The following SLC25A21 variants were observed in gnomAD, a reference collection of about 807,000 sequenced individuals.
The protein encoded by SLC25A21 is solute carrier family 25 member 21.
In SLC25A21, 47 loss-of-function variants were observed where a neutral mutation model predicts 43.8. That is an observed-to-expected ratio of 1.07 (90% confidence interval 0.85 to 1.37). The LOEUF (loss-of-function observed/expected upper bound fraction) is 1.37, where lower values mean the gene tolerates loss of function less well. Ranked by LOEUF, SLC25A21 falls within the 40% of genes most tolerant of loss-of-function variation. The pLI, the probability that SLC25A21 is intolerant of heterozygous loss-of-function variation, is 0.00. For synonymous variants in SLC25A21, 131 were observed against 121.3 expected, an observed-to-expected ratio of 1.08 and a Z score of -0.52; for missense variants, 352 against 350.2, an observed-to-expected ratio of 1.00 and a Z score of -0.04.
chr14:37,132,977 G>A (rs1247641568), intron 1 of SLC25A21, among the ~76,000 whole-genome samples: 5 of 151,966 alleles, frequency 3.3e-5, no homozygotes, highest in Non-Finnish European at 5.9e-5. Context: ...CAATCCTCCC[G>A]CATCAGCCTC....
chr14:36,881,977 G>A (rs551222707), intron 1 of SLC25A21, among the ~76,000 whole-genome samples: 2 of 152,322 alleles, frequency 1.3e-5, no homozygotes, highest in South Asian at 4.1e-4. Flanking sequence ...TTTGAGAACA[G>A]AGTATTCTAA....
At chr14:36,712,003 G>C (rs188617195) in intron 6 of SLC25A21, among the ~76,000 whole-genome samples, 1 of 152,146 alleles carries the variant, frequency 6.6e-6, no homozygotes, top group Non-Finnish European at 1.5e-5. Flanking sequence ...ATAAATAGCT[G>C]TTGATTGTAC....
chr14:36,776,099 T>G (rs1183650292), intron 3 of SLC25A21, among the ~76,000 whole-genome samples: 3 of 152,038 alleles, frequency 2.0e-5, no homozygotes, highest in Non-Finnish European at 4.4e-5. Context: ...CTATTGGAAC[T>G]TCTCTTGGAA....
At chr14:37,038,024 T>A (rs1220932297) in intron 1 of SLC25A21, among the ~76,000 whole-genome samples, 1 of 152,206 alleles carries the variant, frequency 6.6e-6, no homozygotes, top group Admixed American at 6.5e-5. Flanking sequence ...CCTGTGGGTA[T>A]GGAATAACTT....
intron 1 of SLC25A21, among the ~76,000 whole-genome samples, chr14:37,023,844 A>G (rs1961037799): frequency 6.6e-6 from 1 of 151,822 alleles, no homozygotes; most frequent in Non-Finnish European, 1.5e-5. Context: ...ACCACTTTCT[A>G]TTACAGTGGT....
chr14:36,810,674 A>G (rs1006772587), intron 3 of SLC25A21, among the ~76,000 whole-genome samples: 8 of 152,090 alleles, frequency 5.3e-5, no homozygotes, highest in African/African-American at 1.9e-4. Flanking sequence ...CATCATTATG[A>G]TGTTGGTGTG....
Position 37,013,277 on chromosome 14 carries a change from G to C in SLC25A21, c.71-138273C>G, listed in dbSNP as rs140368928. The stretch of plus-strand genomic sequence containing the variant: ...TAAAGATCAACTCAATGGCATTTTA[G>C]AAAATTAGTTGTGTCTAATCCCCAG... On this transcript the variant is annotated intron_variant, in intron 1 of 9. Coordinates refer to ENST00000331299, the MANE Select transcript of SLC25A21 (RefSeq NM_030631.4). Among the ~76,000 whole-genome samples the C allele has an allele frequency of 2.6e-3, 389 of 152,168 alleles. 1 individual carries two copies. Among genetic ancestry groups the C allele is most frequent in the African/African-American group, 8.3e-3 (344 of 41,530 alleles).
At position 37,040,367 on chromosome 14, in the gene SLC25A21, GAGAGAGAGAA is replaced by G. The variant is rs1389349307; in HGVS notation, c.70+131904_70+131913del. 2.6e-4 allele frequency among the ~76,000 whole-genome samples: 10 copies of G among 38,350 alleles called. 3 individuals are homozygous for G. In the East Asian group the frequency reaches 4.6e-3, roughly 18 times the overall value. 25.2% of individuals were successfully genotyped at this position (38,350 alleles called of 152,430 possible). On this transcript the variant is annotated intron_variant, in intron 1 of 9. Coordinates refer to ENST00000331299, the MANE Select transcript of SLC25A21 (RefSeq NM_030631.4). ...AAGGAAGGAAGGAAAGAAAGAGAGA[GAGAGAGAGAA>G]AGAAAGAAAGAAAGAAAGAAAGAAA... is the stretch of plus-strand genomic sequence containing the variant.
At chr14:36,740,084 G>A (rs185176812) in intron 3 of SLC25A21, among the ~76,000 whole-genome samples, 1 of 152,310 alleles carries the variant, frequency 6.6e-6, no homozygotes, top group East Asian at 1.9e-4. Context: ...AGACATCATT[G>A]CTCCCAAGCT....
intron 2 of SLC25A21, among the ~76,000 whole-genome samples, chr14:36,822,319 C>A (rs1230238691): frequency 5.9e-5 from 9 of 152,206 alleles, no homozygotes. Flanking sequence ...AGTACTCATA[C>A]ATATTTGGCT....
At chr14:36,957,736 A>G (rs1192162092) in intron 1 of SLC25A21, among the ~76,000 whole-genome samples, 1 of 152,250 alleles carries the variant, frequency 6.6e-6, no homozygotes, top group Non-Finnish European at 1.5e-5. Context: ...TTTGATGAGA[A>G]AAAAGTGGAT....
chr14:37,135,779 T>G (rs1375045589), intron 1 of SLC25A21, among the ~76,000 whole-genome samples: 1 of 152,200 alleles, frequency 6.6e-6, no homozygotes, highest in African/African-American at 2.4e-5. Flanking sequence ...TTACCTCGGT[T>G]TGAATCCCAG....
intron 2 of SLC25A21, among the ~76,000 whole-genome samples, chr14:36,836,142 A>G (rs1594628486): frequency 6.6e-6 from 1 of 152,292 alleles, no homozygotes; most frequent in South Asian, 2.1e-4. Flanking sequence ...AGGAAGTTAT[A>G]ATTCGGAAGT....
intron 1 of SLC25A21, among the ~76,000 whole-genome samples, chr14:37,135,820 C>T (rs1963471035): frequency 1.3e-5 from 2 of 152,318 alleles, no homozygotes; most frequent in East Asian, 1.9e-4. Flanking sequence ...GCATGCGTTA[C>T]GTGACCTCCT....
At chr14:36,762,357 C>T (rs553782710) in intron 3 of SLC25A21, among the ~76,000 whole-genome samples, 1 of 152,160 alleles carries the variant, frequency 6.6e-6, no homozygotes, top group African/African-American at 2.4e-5. Flanking sequence ...GAACACTGCC[C>T]GGCAGAGGGG....
chr14:36,679,851 CTT>C lies in SLC25A21; in HGVS notation c.*805_*806del, dbSNP rs1491278996. The C allele has an allele frequency of 2.7e-5, 27 of 984,014 alleles. No homozygotes were observed. Among genetic ancestry groups the C allele is most frequent in the Non-Finnish European group, 3.3e-5 (27 of 828,800 alleles). The allele number at this position is 984,014 out of a possible 1,614,324, so 61.0% of individuals were successfully genotyped here. A position where few individuals can be genotyped will look rare whatever the true frequency, so the allele number is the denominator to read the frequency against. On this transcript the variant is annotated 3_prime_UTR_variant, in exon 10 of 10. Coordinates refer to ENST00000331299, the MANE Select transcript of SLC25A21 (RefSeq NM_030631.4). The stretch of plus-strand genomic sequence containing the variant: ...ACATGACAATATCTCATCAACAAAA[CTT>C]ATCTTCAAAGAGAACTATGTGGAGG...
At chr14:36,845,262 A>AT (rs1889506149) in intron 2 of SLC25A21, among the ~76,000 whole-genome samples, 1 of 152,200 alleles carries the variant, frequency 6.6e-6, no homozygotes, top group African/African-American at 2.4e-5. Context: ...TTAAATATTA[A>AT]TTTTAAAATA....
intron 7 of SLC25A21, among the ~76,000 whole-genome samples, chr14:36,710,440 G>A (rs1249602818): frequency 6.6e-6 from 1 of 151,678 alleles, no homozygotes; most frequent in Admixed American, 6.6e-5. Flanking sequence ...AAGAAAGAAA[G>A]AAAAAGAAAG....
intron 1 of SLC25A21, among the ~76,000 whole-genome samples, chr14:36,918,104 C>G (rs17105693): frequency 6.6e-6 from 1 of 152,138 alleles, no homozygotes; most frequent in African/African-American, 2.4e-5. Flanking sequence ...GATGAATGCT[C>G]TCTAAAAAGG....
Sources: gnomAD v4.1 joint callset for allele counts (sites outside exome capture counted in the v4.1 genomes callset) on GRCh38, gnomAD v4.1.1 for gene constraint, MANE v1.5 for transcripts, NCBI Gene and HGNC (gene_info 2026-07-23, HGNC 2026-07-21) for gene names.